MEG3: variants seen among roughly 807,000 people sequenced by gnomAD.
MEG3 encodes Very putative protein from MEG3 locus.
chr14:100,835,771 G>A, exon 1 of MEG3: 1 of 177,302 alleles, frequency 5.6e-6, no homozygotes, highest in Non-Finnish European at 1.2e-5. Context: ...CCCTGCTGGT[G>A]TCTCCATCTC....
intron 2 of MEG3, among the ~76,000 whole-genome samples, chr14:100,840,222 G>T (rs2037710501): frequency 6.6e-6 from 1 of 152,226 alleles, no homozygotes; most frequent in South Asian, 2.1e-4. Context: ...CAGATGGAGA[G>T]TTCTTAAGTC....
chr14:100,838,984 A>C (rs1203865065), intron 2 of MEG3, among the ~76,000 whole-genome samples: 1 of 152,184 alleles, frequency 6.6e-6, no homozygotes, highest in Non-Finnish European at 1.5e-5. Context: ...ATAATGTCAA[A>C]ACCTGGCAAG....
At chr14:100,846,074 T>C (rs2037909399) in intron 3 of MEG3, 1 of 152,288 alleles carries the variant, frequency 6.6e-6, no homozygotes, top group Non-Finnish European at 1.5e-5. Context: ...AAGTTCTTTA[T>C]TGTTTGGGAC....
Position 100,837,018 on chromosome 14 carries a change from G to A in MEG3, n.3045+718G>A, listed in dbSNP as rs1243472938. On this transcript the variant is annotated intron_variant and non_coding_transcript_variant, in intron 2 of 3. Transcript: ENST00000398461. This position sits in a 1 kb window ranked among gnomAD's most constrained non-coding sequence, Gnocchi z 5.8. Reference sequence around the variant, plus strand: ...TGTTTTACTAATTCAAGATGCAGCCGGGAGCCGTCCAGGGCTCGGGCCTGG... The same window carrying A: ...TGTTTTACTAATTCAAGATGCAGCCAGGAGCCGTCCAGGGCTCGGGCCTGG... 6.6e-6 allele frequency among the ~76,000 whole-genome samples: 1 copy of A among 152,150 alleles called. No individual in the cohort carries two copies. Among genetic ancestry groups the A allele is most frequent in the African/African-American group, 2.4e-5 (1 of 41,426 alleles).
rs556590102 is a variant in MEG3 at position 100,843,475 on chromosome 14, GCCCCTCAGTCA to G, written n.3046-1979_3046-1969del. On this transcript the variant is annotated intron_variant and non_coding_transcript_variant, in intron 2 of 3. Transcript: ENST00000398461. ...GGCAGCCTTTAGGTAACCGAAGTCG[GCCCCTCAGTCA>G]CCCATGCACTGATCATTGCTTCACT... Among the ~76,000 whole-genome samples the G allele has an allele frequency of 5.5e-3, 830 of 152,266 alleles. 9 individuals are homozygous for G. Among genetic ancestry groups the G allele is most frequent in the African/African-American group, 0.019 (793 of 41,540 alleles).
chr14:100,851,029 A>T (rs1162484840), intron 3 of MEG3: 2 of 152,526 alleles, frequency 1.3e-5, no homozygotes, highest in Non-Finnish European at 2.9e-5. Context: ...GAGCTGGCTC[A>T]GGAAGACCCT....
chr14:100,853,687 T>G (rs531626820), upstream of MEG3: 1 of 152,180 alleles, frequency 6.6e-6, no homozygotes, highest in Non-Finnish European at 1.5e-5. Context: ...CCTTGTTGAG[T>G]GGCTATGGCA....
At chr14:100,847,326 A>G (rs1466290583) in intron 3 of MEG3, 1 of 152,218 alleles carries the variant, frequency 6.6e-6, no homozygotes, top group Non-Finnish European at 1.5e-5. Context: ...GCGTGTGTGG[A>G]TGGATGAATG....
chr14:100,838,786 G>A (rs539379514), intron 2 of MEG3, among the ~76,000 whole-genome samples: 31 of 152,196 alleles, frequency 2.0e-4, no homozygotes, highest in African/African-American at 7.0e-4. Flanking sequence ...TGGGTGGTTG[G>A]GAAAGGAAAC....
At chr14:100,843,999 T>C (rs8010691) in intron 2 of MEG3, among the ~76,000 whole-genome samples, 3,499 of 151,944 alleles carry the variant, frequency 0.023, 58 homozygotes, top group Admixed American at 0.046. Context: ...ACCACCACGC[T>C]GAGCTAGTTT....
intron 2 of MEG3, among the ~76,000 whole-genome samples, chr14:100,838,464 T>G (rs767619445): frequency 6.6e-6 from 1 of 152,234 alleles, no homozygotes; most frequent in Admixed American, 6.5e-5. Flanking sequence ...TTGCTGGTGA[T>G]CTTCTCGGGA....
downstream of MEG3, chr14:100,830,628 C>G (rs2037371533): frequency 6.6e-6 from 1 of 152,202 alleles, no homozygotes; most frequent in African/African-American, 2.4e-5. Flanking sequence ...CAAACATTTT[C>G]TGGGGCACCG....
exon 1 of MEG3, chr14:100,858,825 T>TA (rs2038318374): frequency 6.5e-6 from 1 of 152,754 alleles, no homozygotes; most frequent in Non-Finnish European, 1.5e-5. Flanking sequence ...CCCCTCCTAT[T>TA]GCTCCCAAGA....
rs975565187 is a variant in MEG3, at chr14:100,845,755, T to G, written n.3121+222T>G. The G allele has an allele frequency of 1.7e-5, 4 of 231,736 alleles. No individual in the cohort carries two copies. Among genetic ancestry groups the G allele is most frequent in the Admixed American group, 1.6e-4 (3 of 18,672 alleles). The allele number at this position is 231,736 out of a possible 1,614,324, so 14.4% of individuals were successfully genotyped here. ...CCCCTGCCTCCTTGTGTTGTCTCTG[T>G]GGCAAAAGAATTCTATAGGCGGGCT... On this transcript the variant is annotated intron_variant and non_coding_transcript_variant, in intron 3 of 3. Transcript: ENST00000398461. This position sits in a 1 kb window ranked among gnomAD's most constrained non-coding sequence, Gnocchi z 5.2.
upstream of MEG3, chr14:100,853,736 A>G (rs923641720): frequency 1.3e-5 from 2 of 152,198 alleles, no homozygotes; most frequent in African/African-American, 4.8e-5. Context: ...ATGTATAACC[A>G]CCTTTTAAAA....
At chr14:100,844,959 C>T (rs1371623971) in intron 2 of MEG3, among the ~76,000 whole-genome samples, 4 of 152,206 alleles carry the variant, frequency 2.6e-5, no homozygotes, top group Admixed American at 1.3e-4. Flanking sequence ...TCCAGGCACA[C>T]AACGTGTGTG....
At chr14:100,860,593 C>T (rs1375761212) in intron 1 of MEG3, 1 of 452,128 alleles carries the variant, frequency 2.2e-6, no homozygotes, top group African/African-American at 2.0e-5. Flanking sequence ...TTGCTCTCCT[C>T]TCCCTCCCTC....
At chr14:100,836,210 A>G in exon 2 of MEG3, 2 of 456,410 alleles carry the variant, frequency 4.4e-6, no homozygotes, top group Non-Finnish European at 8.8e-6. Flanking sequence ...AGAACTGCGG[A>G]TGGAAGCTGC....
chr14:100,849,547 G>A (rs1396311573), intron 3 of MEG3: 3 of 152,128 alleles, frequency 2.0e-5, no homozygotes, highest in Non-Finnish European at 4.4e-5. Flanking sequence ...AAAAGAGGCA[G>A]GAAGAGAAGT....
Sources: gnomAD v4.1 joint callset for allele counts (sites outside exome capture counted in the v4.1 genomes callset) on GRCh38, gnomAD v4.1.1 for gene constraint, Gnocchi (gnomAD v3.1) non-coding constraint, MANE v1.5 for transcripts, NCBI Gene and HGNC (gene_info 2026-07-23, HGNC 2026-07-21) for gene names.